RSPO2: variants seen among roughly 807,000 people sequenced by gnomAD.
RSPO2 encodes R-spondin-2.
A neutral mutation model predicts 30.9 loss-of-function variants in RSPO2; 14 were observed. The ratio of observed to expected loss-of-function variants is 0.45; its 90% CI spans 0.30 to 0.71. RSPO2 has a LOEUF of 0.71. Ranked by LOEUF, RSPO2 falls within the 30% of genes least tolerant of loss-of-function variation. The pLI is 0.08. For missense variants in RSPO2, 264 were observed against 301.9 expected (o/e 0.87, Z 0.93); for synonymous variants, 107 against 96.4 (o/e 1.11, Z -0.64).
At chr8:107,972,635 G>T (rs1170864343) in intron 3 of RSPO2, among the ~76,000 whole-genome samples, 1 of 151,836 alleles carries the variant, frequency 6.6e-6, no homozygotes, top group Non-Finnish European at 1.5e-5. Context: ...CAGAAATAAG[G>T]GTGGGAGGGA....
rs1811401495 is a variant in RSPO2, at chr8:107,900,240, T to C, written c.*835A>G. On this transcript the variant is annotated 3_prime_UTR_variant, in exon 6 of 6. Coordinates refer to ENST00000276659, the MANE Select transcript of RSPO2 (RefSeq NM_178565.5). ...TGTGGGACATGTGGAGTGGAGAAGG[T>C]CTACCCAATATGCAAACTCTTTGAC... 6.6e-6 allele frequency: 1 copy of C among 152,078 alleles called. No individual in the cohort carries two copies. The highest frequency in any genetic ancestry group is 6.6e-5 in the Admixed American group (1 of 15,262). The allele number at this position is 152,078 out of a possible 1,614,324, so 9.4% of individuals were successfully genotyped here.
intron 2 of RSPO2, among the ~76,000 whole-genome samples, chr8:108,013,510 C>T (rs777838256): frequency 1.3e-5 from 2 of 152,088 alleles, no homozygotes; most frequent in African/African-American, 2.4e-5. Flanking sequence ...GATATATAGG[C>T]CAAAGGAACA....
At chr8:108,013,397 A>T (rs1586627635) in intron 2 of RSPO2, among the ~76,000 whole-genome samples, 1 of 152,160 alleles carries the variant, frequency 6.6e-6, no homozygotes, top group African/African-American at 2.4e-5. Context: ...TGGGGCTTCT[A>T]CCATTCAGTA....
At chr8:107,978,764 T>A (rs2130494059) in intron 3 of RSPO2, among the ~76,000 whole-genome samples, 1 of 151,644 alleles carries the variant, frequency 6.6e-6, no homozygotes, top group South Asian at 2.1e-4. Flanking sequence ...TGGGAGAAAA[T>A]TTTTGCAACC....
intron 5 of RSPO2, among the ~76,000 whole-genome samples, chr8:107,920,423 A>C (rs998273725): frequency 1.3e-5 from 2 of 152,124 alleles, no homozygotes; most frequent in Non-Finnish European, 2.9e-5. Flanking sequence ...AACTCCAAAA[A>C]AACTAAATCA....
At chr8:108,026,133 CA>C (rs1245524017) in intron 2 of RSPO2, among the ~76,000 whole-genome samples, 1 of 152,052 alleles carries the variant, frequency 6.6e-6, no homozygotes, top group Non-Finnish European at 1.5e-5. Context: ...GTATCCCTGG[CA>C]AAAACACAGA....
intron 5 of RSPO2, among the ~76,000 whole-genome samples, chr8:107,942,525 T>C (rs1043988299): frequency 6.6e-6 from 1 of 152,220 alleles, no homozygotes; most frequent in Non-Finnish European, 1.5e-5. Flanking sequence ...CTTTGTAGCC[T>C]GAAATAGCAC....
intron 5 of RSPO2, among the ~76,000 whole-genome samples, chr8:107,909,259 GTTT>G (rs11292252): frequency 4.4e-5 from 4 of 91,608 alleles, no homozygotes; most frequent in Admixed American, 2.5e-4. Context: ...TTTCCCAGTT[GTTT>G]TTTTTTTTTT....
intron 5 of RSPO2, among the ~76,000 whole-genome samples, chr8:107,956,911 A>C (rs1313653788): frequency 1.3e-5 from 2 of 152,208 alleles, no homozygotes; most frequent in Non-Finnish European, 2.9e-5. Flanking sequence ...AGTTTAAGTG[A>C]ACAAAACCAT....
chr8:107,962,132 G>A (rs1288071108), intron 3 of RSPO2, among the ~76,000 whole-genome samples: 5 of 152,072 alleles, frequency 3.3e-5, no homozygotes, highest in African/African-American at 1.2e-4. Flanking sequence ...CATTTTACAA[G>A]GCTCCAGAAC....
chr8:107,961,999 G>C (rs1187609998), intron 3 of RSPO2, among the ~76,000 whole-genome samples: 1 of 152,124 alleles, frequency 6.6e-6, no homozygotes, highest in Non-Finnish European at 1.5e-5. Context: ...AAGTTCGCAG[G>C]ACCGGTAAAT....
At chr8:107,934,985 G>A (rs1487548938) in intron 5 of RSPO2, among the ~76,000 whole-genome samples, 1 of 152,190 alleles carries the variant, frequency 6.6e-6, no homozygotes, top group Non-Finnish European at 1.5e-5. Flanking sequence ...ATTGTTTGTA[G>A]AGCATGTGTG....
chr8:107,974,645 T>A (rs1466502687), intron 3 of RSPO2, among the ~76,000 whole-genome samples: 1 of 152,028 alleles, frequency 6.6e-6, no homozygotes, highest in Non-Finnish European at 1.5e-5. Flanking sequence ...ACCTTTGTAA[T>A]GTTCAGTATC....
intron 2 of RSPO2, among the ~76,000 whole-genome samples, chr8:108,024,585 A>C (rs1811146467): frequency 6.6e-6 from 1 of 152,250 alleles, no homozygotes; most frequent in Non-Finnish European, 1.5e-5. Flanking sequence ...GGTTACCTAC[A>C]GTGGACAGGT....
chr8:107,978,923 T>G (rs184824139), intron 3 of RSPO2, among the ~76,000 whole-genome samples: 11,971 of 152,086 alleles, frequency 0.079, 1,024 homozygotes, highest in African/African-American at 0.21. Context: ...AAAAAACACA[T>G]GAAAAAATGC....
intron 2 of RSPO2, among the ~76,000 whole-genome samples, chr8:107,991,277 C>CAT (rs1349706565): frequency 6.6e-5 from 10 of 151,626 alleles, no homozygotes; most frequent in African/African-American, 1.9e-4. Flanking sequence ...CACACACACA[C>CAT]ACACACACAC....
At position 108,055,789 on chromosome 8, in the gene RSPO2, T is replaced by TA. The variant is rs936091243; in HGVS notation, c.94+26755dup. On this transcript the variant is annotated intron_variant, in intron 2 of 5. Transcript: ENST00000276659. Reference sequence around the variant, plus strand: ...CAACAGGAACAGGCCAACAAGACGTTAAAAAAAAAATTATCAATGGCTCAA... The same window carrying TA: ...CAACAGGAACAGGCCAACAAGACGTTAAAAAAAAAAATTATCAATGGCTCAA... 1.1e-3 allele frequency among the ~76,000 whole-genome samples: 167 copies of TA among 150,094 alleles called. 3 individuals are homozygous for TA. The East Asian group carries it at 0.029, about 26-fold the overall frequency.
intron 2 of RSPO2, among the ~76,000 whole-genome samples, chr8:108,033,643 C>A (rs980897571): frequency 1.3e-5 from 2 of 152,126 alleles, no homozygotes; most frequent in Non-Finnish European, 2.9e-5. Flanking sequence ...TTAAGTATAG[C>A]CTTACAAGTC....
intron 2 of RSPO2, among the ~76,000 whole-genome samples, chr8:108,000,410 G>T (rs1277304177): frequency 6.6e-6 from 1 of 152,158 alleles, no homozygotes; most frequent in African/African-American, 2.4e-5. Flanking sequence ...TGCATCTGGT[G>T]GGGGAGTCAG....
Sources: allele counts gnomAD v4.1 joint callset (sites outside exome capture counted in the v4.1 genomes callset), GRCh38; gene constraint gnomAD v4.1.1; transcripts MANE v1.5; gene names NCBI Gene and HGNC (gene_info 2026-07-23, HGNC 2026-07-21).